Variants in MED21 observed in about 807,000 individuals in gnomAD.
MED21 encodes the protein mediator complex subunit 21.
MED21 carries 9 observed loss-of-function variants against 18.2 expected under a neutral mutation model. The ratio of observed to expected loss-of-function variants is 0.49; its 90% CI spans 0.30 to 0.86. The LOEUF (loss-of-function observed/expected upper bound fraction) is 0.86, where lower values mean the gene tolerates loss of function less well. Ranked by LOEUF, MED21 falls within the 40% of genes least tolerant of loss-of-function variation. MED21 has a pLI of 0.07. For missense variants in MED21, 150 were observed against 170.9 expected, an observed-to-expected ratio of 0.88 and a Z score of 0.68; for synonymous variants, 73 against 60.5, an observed-to-expected ratio of 1.21 and a Z score of -0.96.
intron 1 of MED21, among the ~76,000 whole-genome samples, chr12:27,025,157 A>G (rs1242163129): frequency 6.6e-6 from 1 of 152,254 alleles, no homozygotes; most frequent in East Asian, 1.9e-4. Flanking sequence ...TATTACAACA[A>G]TGCTATAATA....
At chr12:27,024,772 TA>T (rs142322293) in intron 1 of MED21, among the ~76,000 whole-genome samples, 4,553 of 152,292 alleles carry the variant, frequency 0.03, 92 homozygotes, top group Middle Eastern at 0.082. Context: ...TAAAGGAGGT[TA>T]AAAAATGTCA....
rs575071565 is a variant in MED21 at position 27,036,107 on chromosome 12, C to T, written n.146+8660C>T. On this transcript the variant is annotated intron_variant and non_coding_transcript_variant, in intron 2 of 4. Coordinates refer to the MED21 transcript ENST00000538186. ...ACATCCTCTCCAGCACCTGTTGTTT[C>T]CTGACTTCTTAATGATTGCCATTCT... Among the ~76,000 whole-genome samples the T allele has an allele frequency of 2.0e-5, 3 of 152,286 alleles. No homozygotes were observed. In the South Asian group the frequency reaches 6.2e-4, roughly 32 times the overall value.
downstream of MED21, among the ~76,000 whole-genome samples, chr12:27,031,695 G>T (rs1434217111): frequency 6.6e-6 from 1 of 151,570 alleles, no homozygotes; most frequent in Non-Finnish European, 1.5e-5. Flanking sequence ...ATGGAATGTA[G>T]CCATGAAAAA....
At chr12:27,036,290 G>T (rs545901859) in intron 2 of MED21, among the ~76,000 whole-genome samples, 47 of 152,136 alleles carry the variant, frequency 3.1e-4, no homozygotes, top group Non-Finnish European at 5.2e-4. Context: ...GGGTTGTTTG[G>T]TTTTTTCTTG....
intron 1 of MED21, among the ~76,000 whole-genome samples, chr12:27,023,635 C>G (rs1483859882): frequency 6.6e-6 from 1 of 152,066 alleles, no homozygotes; most frequent in African/African-American, 2.4e-5. Flanking sequence ...ATTCTACTCT[C>G]TATTAAAGGC....
chr12:27,025,271 A>G (rs1941528912), intron 1 of MED21, among the ~76,000 whole-genome samples: 4 of 152,230 alleles, frequency 2.6e-5, no homozygotes, highest in Admixed American at 2.0e-4. Context: ...GCTCCATTAC[A>G]ATTAGCAAAA....
intron 1 of MED21, among the ~76,000 whole-genome samples, chr12:27,024,781 T>A (rs1438474836): frequency 1.3e-5 from 2 of 152,162 alleles, no homozygotes; most frequent in Non-Finnish European, 2.9e-5. Flanking sequence ...TTAAAAAATG[T>A]CAAATACTCA....
At position 27,030,354 on chromosome 12, in the gene MED21, C is replaced by A; in HGVS notation, c.*1893C>A. 2.3e-6 allele frequency: 1 copy of A among 433,614 alleles called. No individual in the cohort carries two copies. The highest frequency in any genetic ancestry group is 7.0e-5 in the South Asian group (1 of 14,294). The allele number at this position is 433,614 out of a possible 1,614,324, so 26.9% of individuals were successfully genotyped here. On this transcript the variant is annotated 3_prime_UTR_variant, in exon 4 of 4. Transcript: ENST00000282892. ...CTCACTCTGTTGCCCAGGCTAATGC[C>A]AAACTGCTAACCTCAAGATATTAAT... is the stretch of plus-strand genomic sequence containing the variant.
chr12:27,037,452 CCCTGGCCAGAACTTCCAACA>C (rs1254357899), intron 2 of MED21: 1 of 151,918 alleles, frequency 6.6e-6, no homozygotes, highest in African/African-American at 2.4e-5. Flanking sequence ...TGCCTAATTG[CCCTGGCCAGAACTTCCAACA>C]CTATGTTGAA....
rs1158891106 is a variant in MED21 at position 27,029,428 on chromosome 12, A to T, written c.*967A>T. 2.0e-6 allele frequency: 2 copies of T among 985,426 alleles called. No individual in the cohort carries two copies. The highest frequency in any genetic ancestry group is 3.5e-5 in the African/African-American group (2 of 57,378). The allele number at this position is 985,426 out of a possible 1,614,324, so 61.0% of individuals were successfully genotyped here. A position where few individuals can be genotyped will look rare whatever the true frequency, so the allele number is the denominator to read the frequency against. The stretch of plus-strand genomic sequence containing the variant: ...AGTCTACTGATAATCTCCACTGGAA[A>T]GGTGGAATTGAAATGTGGTCCACAT... On this transcript the variant is annotated 3_prime_UTR_variant, in exon 4 of 4. Coordinates refer to ENST00000282892, the MANE Select transcript of MED21 (RefSeq NM_004264.5).
At chr12:27,032,583 T>A (rs920128588), downstream of MED21, among the ~76,000 whole-genome samples, 1 of 152,236 alleles carries the variant, frequency 6.6e-6, no homozygotes, top group African/African-American at 2.4e-5. Context: ...TATTAACCTT[T>A]ACTTGAGCCC....
chr12:27,032,415 ATATCCT>A (rs749492942), downstream of MED21, among the ~76,000 whole-genome samples: 14 of 152,202 alleles, frequency 9.2e-5, no homozygotes, highest in Non-Finnish European at 1.9e-4. Flanking sequence ...GCTGGAATAG[ATATCCT>A]TATACTTGTA....
At chr12:27,032,409 G>A (rs1254193865), downstream of MED21, among the ~76,000 whole-genome samples, 2 of 152,142 alleles carry the variant, frequency 1.3e-5, no homozygotes, top group Non-Finnish European at 2.9e-5. Context: ...TGTGTTGCTG[G>A]AATAGATATC....
chr12:27,035,218 AT>A (rs1425287591), downstream of MED21, among the ~76,000 whole-genome samples: 1 of 152,182 alleles, frequency 6.6e-6, no homozygotes, highest in Non-Finnish European at 1.5e-5. Flanking sequence ...CTCAAACAAA[AT>A]AAAAACAACA....
Position 27,028,709 on chromosome 12 carries a change from C to T in MED21, c.*248C>T, listed in dbSNP as rs554773558. 9.7e-5 allele frequency: 110 copies of T among 1,137,054 alleles called. No individual in the cohort carries two copies. The highest frequency in any genetic ancestry group is 1.1e-4 in the Non-Finnish European group (106 of 921,822). The allele number at this position is 1,137,054 out of a possible 1,614,324, so 70.4% of individuals were successfully genotyped here. The stretch of plus-strand genomic sequence containing the variant: ...AGTGAAATTATTAAGGCATGTAATA[C>T]ATTAATGAACATAATATAAGGAAAC... On this transcript the variant is annotated 3_prime_UTR_variant, in exon 4 of 4. Transcript: ENST00000282892.
chr12:27,022,785 T>G, intron 1 of MED21, 164 bp downstream of exon 1: 1 of 1,523,414 alleles, frequency 6.6e-7, no homozygotes, highest in Non-Finnish European at 8.8e-7. Flanking sequence ...CTCGGAGGTT[T>G]GAGGCCGGCT....
In MED21 at chr12:27,022,614, T is replaced by C. The variant is rs1941485223; in HGVS notation, c.35T>C (p.Val12Ala). 2 of 1,591,942 alleles carry C rather than the reference T, an allele frequency of 1.3e-6. No individual in the cohort carries two copies. The highest frequency in any genetic ancestry group is 2.7e-5 in the African/African-American group (2 of 73,982). ...ADRLTQLQDA[V>A]NSLADQFCNA... ...CGGCTCACGCAGCTTCAGGACGCTG[T>C]GAATTCGGTGAGGAATTTCATTCGA... Residue 12 changes from valine to alanine, a missense_variant, in exon 1 of 4, where the codon GTG (valine) becomes GCG (alanine). Transcript: ENST00000282892.
At chr12:27,034,378 C>T (rs913526577), downstream of MED21, among the ~76,000 whole-genome samples, 7 of 152,060 alleles carry the variant, frequency 4.6e-5, no homozygotes, top group East Asian at 1.9e-4. Context: ...GCCGAGATCA[C>T]GCCATTGCAC....
At chr12:27,024,849 T>C (rs1174078477) in intron 1 of MED21, among the ~76,000 whole-genome samples, 3 of 152,174 alleles carry the variant, frequency 2.0e-5, no homozygotes, top group African/African-American at 7.2e-5. Flanking sequence ...ATGAATTGAG[T>C]ATTTTCAGCT....
Sources: gnomAD v4.1 joint callset for allele counts (sites outside exome capture counted in the v4.1 genomes callset) on GRCh38, gnomAD v4.1.1 for gene constraint, MANE v1.5 for transcripts, NCBI Gene and HGNC (gene_info 2026-07-23, HGNC 2026-07-21) for gene names.